Variants in ANO1 observed in about 807,000 individuals in gnomAD.
The protein encoded by ANO1 is anoctamin-1.
ANO1 carries 59 observed loss-of-function variants against 124.0 expected under a neutral mutation model. That is an observed-to-expected ratio of 0.48 (90% confidence interval 0.39 to 0.59). The LOEUF (loss-of-function observed/expected upper bound fraction) is 0.59, where lower values mean the gene tolerates loss of function less well. ANO1 is among the 20% of genes least tolerant of loss of function. The pLI, the probability that ANO1 is intolerant of heterozygous loss-of-function variation, is 0.00. For synonymous variants in ANO1, 529 were observed against 532.0 expected (o/e 0.99, Z 0.08); for missense variants, 1,059 against 1,328.0 (o/e 0.80, Z 3.15).
intron 5 of ANO1, among the ~76,000 whole-genome samples, chr11:70,106,701 G>A (rs2045563404): frequency 1.3e-5 from 2 of 152,228 alleles, no homozygotes; most frequent in Non-Finnish European, 2.9e-5. Context: ...GCCTTGGTTA[G>A]TCAGGCCTAA....
chr11:70,150,451 A>G (rs2047558378), intron 12 of ANO1, among the ~76,000 whole-genome samples: 1 of 152,208 alleles, frequency 6.6e-6, no homozygotes, highest in Non-Finnish European at 1.5e-5. Context: ...AGTCCCCACA[A>G]TTAGCCTTGG....
Position 70,167,358 on chromosome 11 carries a change from C to T in ANO1, c.2168C>T (p.Ala723Val), listed in dbSNP as rs200119718. ...GTGGATTACAACCTGGAGCCCTTCGCGGGCCTCACCCCAGAGTACATGGAA... is the reference window on the plus strand; with the variant it reads ...GTGGATTACAACCTGGAGCCCTTCGTGGGCCTCACCCCAGAGTACATGGAA... ...YEVDYNLEPF[A>V]GLTPEYMEMI... Residue 723 changes from alanine (A) to valine (V), a missense_variant, in exon 21 of 26, where the codon GCG becomes GTG. By Grantham distance (64) the Ala-to-Val change is moderately conservative (BLOSUM62 0). Around this residue, in one of 2 missense-constraint regions of ANO1, gnomAD observed 809 missense variants for 1,094.9 expected, o/e 0.74. Transcript: ENST00000355303. The T allele has an allele frequency of 2.2e-5, 36 of 1,613,068 alleles. No homozygotes were observed. The highest frequency in any genetic ancestry group is 1.8e-4 in the East Asian group (8 of 44,844).
intron 1 of ANO1, among the ~76,000 whole-genome samples, chr11:70,021,582 C>A (rs1389745324): frequency 6.6e-6 from 1 of 152,082 alleles, no homozygotes; most frequent in African/African-American, 2.4e-5. Context: ...TCCCCCGGAA[C>A]CTGGTCCATT....
intron 5 of ANO1, among the ~76,000 whole-genome samples, chr11:70,107,349 C>T (rs554581891): frequency 6.6e-6 from 1 of 152,182 alleles, no homozygotes; most frequent in East Asian, 1.9e-4. Context: ...GGACCCTGGA[C>T]CTATTCCAAT....
chr11:70,147,084 C>T lies in ANO1; in HGVS notation c.1259-2626C>T, dbSNP rs1265816880. On this transcript the variant is annotated intron_variant, in intron 11 of 25. Coordinates refer to ENST00000355303, the MANE Select transcript of ANO1 (RefSeq NM_018043.7). Reference sequence around the variant, plus strand: ...AATACAAACCATCACAGCGGGTAAACAGGCCAACTCTGCAGGTGTGCGTGG... The same window carrying T: ...AATACAAACCATCACAGCGGGTAAATAGGCCAACTCTGCAGGTGTGCGTGG... Among the ~76,000 whole-genome samples the T allele has an allele frequency of 5.2e-5, 8 of 152,392 alleles. No individual in the cohort carries two copies. In the East Asian group the frequency reaches 1.4e-3, roughly 26 times the overall value.
At chr11:70,040,665 ACT>A (rs1857169065) in intron 1 of ANO1, among the ~76,000 whole-genome samples, 1 of 152,090 alleles carries the variant, frequency 6.6e-6, no homozygotes, top group Non-Finnish European at 1.5e-5. Context: ...ACAGAGCGAG[ACT>A]CTGTCTCAAA....
upstream of ANO1, among the ~76,000 whole-genome samples, chr11:69,982,498 T>C (rs1356059543): frequency 6.6e-6 from 1 of 152,232 alleles, no homozygotes; most frequent in East Asian, 1.9e-4. Context: ...TGTTTCCCTG[T>C]CTGACTAGGA....
intron 2 of ANO1, among the ~76,000 whole-genome samples, chr11:70,095,427 A>AAAAGAAAG (rs1465646549): frequency 0.12 from 3,630 of 30,634 alleles, 441 homozygotes; most frequent in Admixed American, 0.17. Context: ...AGAAAGAAAG[A>AAAAGAAAG]AAAGAAAAGA....
Position 70,038,069 on chromosome 11 carries a change from G to A in ANO1, c.59-40473G>A, listed in dbSNP as rs79360344. 9.9e-5 allele frequency among the ~76,000 whole-genome samples: 15 copies of A among 152,284 alleles called. No homozygotes were observed. The East Asian group carries it at 2.3e-3, about 24-fold the overall frequency. ...TGGGAGGCTGAGGCAGGAGGTTTGT[G>A]TGAGGAATGGAGAAGTTCTTCTTCA... On this transcript the variant is annotated intron_variant, in intron 1 of 27. Coordinates refer to the ANO1 transcript ENST00000531349.
At chr11:70,029,299 C>T (rs555053905) in intron 1 of ANO1, among the ~76,000 whole-genome samples, 40 of 152,340 alleles carry the variant, frequency 2.6e-4, no homozygotes, top group African/African-American at 8.9e-4. Flanking sequence ...GCCTGCTCTG[C>T]GCAAAGATGA....
chr11:69,971,925 A>T, the ANO1 span, among the ~76,000 whole-genome samples: 1 of 152,178 alleles, frequency 6.6e-6, no homozygotes, highest in Non-Finnish European at 1.5e-5. Flanking sequence ...CATTGCAAAG[A>T]AAAGTGAAAG....
chr11:70,171,143 C>T (rs2135766004), intron 22 of ANO1, 104 bp downstream of exon 22: 1 of 1,421,490 alleles, frequency 7.0e-7, no homozygotes, highest in Non-Finnish European at 9.4e-7. Flanking sequence ...GCCAGGTGTC[C>T]CTCCTGGGGC....
At chr11:70,101,476 A>C (rs1260738202) in intron 2 of ANO1, among the ~76,000 whole-genome samples, 2 of 151,274 alleles carry the variant, frequency 1.3e-5, no homozygotes, top group East Asian at 3.9e-4. Context: ...GAATCGCTTG[A>C]ACTCAGGAGG....
chr11:70,167,402 G>A lies in ANO1; in HGVS notation c.2197+15G>A, dbSNP rs2048297566. Reference sequence around the variant, plus strand: ...CATGGAAATGAGTGAGTGATGGCCGGGGCAGGCAGGTGACATCAGGATAGA... The same window carrying A: ...CATGGAAATGAGTGAGTGATGGCCGAGGCAGGCAGGTGACATCAGGATAGA... On this transcript the variant is annotated intron_variant, in intron 21 of 25. Coordinates refer to ENST00000355303, the MANE Select transcript of ANO1 (RefSeq NM_018043.7). 1 of 1,604,828 alleles carries A rather than the reference G, an allele frequency of 6.2e-7. No individual in the cohort carries two copies. The highest frequency in any genetic ancestry group is 8.5e-7 in the Non-Finnish European group (1 of 1,175,576).
chr11:70,042,082 C>T (rs782781165), intron 1 of ANO1, among the ~76,000 whole-genome samples: 51 of 149,390 alleles, frequency 3.4e-4, no homozygotes, highest in Non-Finnish European at 6.2e-4. Flanking sequence ...CAGGGGTGAG[C>T]TCGATGGTCG....
chr11:70,167,430 C>T (rs903494218), intron 21 of ANO1, 43 bp downstream of exon 21: 1 of 1,581,414 alleles, frequency 6.3e-7, no homozygotes, highest in South Asian at 1.2e-5. Context: ...AGGATAGAAA[C>T]AGGCCAGCAT....
intron 1 of ANO1, among the ~76,000 whole-genome samples, chr11:70,057,268 T>C (rs572632013): frequency 5.9e-5 from 9 of 152,186 alleles, no homozygotes; most frequent in African/African-American, 2.2e-4. Flanking sequence ...TCTTGTCTTT[T>C]TGGCAGGCAG....
intron 11 of ANO1, among the ~76,000 whole-genome samples, chr11:70,148,305 C>G (rs1257647685): frequency 6.7e-6 from 1 of 149,944 alleles, no homozygotes; most frequent in Non-Finnish European, 1.5e-5. Flanking sequence ...GGAATAGCGC[C>G]TACCTCCTAT....
At chr11:70,148,152 G>A (rs893298531) in intron 11 of ANO1, among the ~76,000 whole-genome samples, 5 of 152,092 alleles carry the variant, frequency 3.3e-5, no homozygotes, top group African/African-American at 1.2e-4. Context: ...GCTGCCTTCA[G>A]TTAAGGGCCA....
Sources: gnomAD v4.1 joint callset for allele counts (sites outside exome capture counted in the v4.1 genomes callset) on GRCh38, gnomAD v4.1.1 for gene constraint, gnomAD v4.1.1 regional missense constraint, MANE v1.5 for transcripts, NCBI Gene and HGNC (gene_info 2026-07-23, HGNC 2026-07-21) for gene names.